Variants in SNRPD3 observed in about 807,000 individuals in gnomAD.
SNRPD3 encodes the protein small nuclear ribonucleoprotein Sm D3.
For synonymous variants in SNRPD3, 66 were observed against 58.4 expected (o/e 1.13, Z -0.59); for missense variants, 73 against 167.5 (o/e 0.44, Z 3.11).
chr22:24,563,051 T>C (rs1415600366), intron 2 of SNRPD3, among the ~76,000 whole-genome samples: 1 of 152,132 alleles, frequency 6.6e-6, no homozygotes, highest in Non-Finnish European at 1.5e-5. Flanking sequence ...CCTGTTATCT[T>C]AGCACTGTTT....
intron 2 of SNRPD3, among the ~76,000 whole-genome samples, chr22:24,563,905 G>T (rs1004330031): frequency 1.1e-4 from 16 of 152,134 alleles, no homozygotes; most frequent in African/African-American, 2.9e-4. Flanking sequence ...TCAGAAAATT[G>T]CCCATAACTA....
chr22:24,558,446 AACTTGG>A (rs2045101529), intron 2 of SNRPD3, among the ~76,000 whole-genome samples: 1 of 152,210 alleles, frequency 6.6e-6, no homozygotes, highest in African/African-American at 2.4e-5. Flanking sequence ...ACTGGTTAAG[AACTTGG>A]ACTTGGGAGT....
upstream of SNRPD3, chr22:24,555,653 A>C: frequency 6.4e-7 from 1 of 1,550,624 alleles, no homozygotes; most frequent in Non-Finnish European, 8.7e-7. Context: ...TTGTGACGGG[A>C]AGTCCTGGCC....
intron 2 of SNRPD3, among the ~76,000 whole-genome samples, chr22:24,558,329 G>C (rs940461688): frequency 6.6e-6 from 1 of 152,192 alleles, no homozygotes; most frequent in African/African-American, 2.4e-5. Context: ...GTAGTTTCCT[G>C]ATATGGTGTC....
chr22:24,555,877 G>A, upstream of SNRPD3: 2 of 1,519,068 alleles, frequency 1.3e-6, no homozygotes, highest in South Asian at 2.4e-5. Context: ...TAGTTTCCCA[G>A]CCGGCAGGCG....
rs142161959 is a variant in SNRPD3 at position 24,568,007 on chromosome 22, C to T, written c.150C>T (p.Tyr50=). The T allele has an allele frequency of 5.2e-4, 842 of 1,610,066 alleles. No individual in the cohort carries two copies. The highest frequency in any genetic ancestry group is 4.9e-4 in the Non-Finnish European group (581 of 1,178,478). The change falls in exon 3 of 4, where the codon TAC becomes TAT. Residue 50 remains tyrosine, a synonymous_variant. Transcript: ENST00000215829. ...NCQMSNITVT[Y]RDGRVAQLEQ... ...AGATGTCCAACATCACAGTCACATA[C>T]AGAGATGGCCGAGTGGCACAGCTGG...
upstream of SNRPD3, chr22:24,555,827 A>T (rs1254298349): frequency 1.9e-6 from 3 of 1,545,358 alleles, no homozygotes; most frequent in East Asian, 7.3e-5. Context: ...CCCAGTCATC[A>T]GCCCTCTTTT....
chr22:24,568,487 C>T (rs188429820), intron 3 of SNRPD3, among the ~76,000 whole-genome samples: 78 of 152,064 alleles, frequency 5.1e-4, no homozygotes, highest in African/African-American at 1.5e-3. Context: ...GATTACAGTG[C>T]GCACTGCCCT....
intron 2 of SNRPD3, among the ~76,000 whole-genome samples, chr22:24,562,825 A>T (rs977064784): frequency 2.0e-5 from 3 of 152,196 alleles, no homozygotes; most frequent in African/African-American, 7.2e-5. Context: ...AGAAATGTAA[A>T]CCTGAATCTC....
chr22:24,556,593 A>G (rs1347952821), intron 1 of SNRPD3, among the ~76,000 whole-genome samples: 2 of 152,344 alleles, frequency 1.3e-5, no homozygotes, highest in East Asian at 3.9e-4. Flanking sequence ...ACACTGTTGC[A>G]GCAGTTTTAA....
intron 2 of SNRPD3, among the ~76,000 whole-genome samples, chr22:24,567,033 G>A (rs1023543299): frequency 6.6e-6 from 1 of 152,218 alleles, no homozygotes; most frequent in Non-Finnish European, 1.5e-5. Context: ...CCAAGTGCCT[G>A]CTCTTTTCCT....
At position 24,563,185 on chromosome 22, in the gene SNRPD3, CAGTG is replaced by C. The variant is rs2045159906; in HGVS notation, c.127-4796_127-4793del. On this transcript the variant is annotated intron_variant, in intron 2 of 3. Coordinates refer to ENST00000215829, the MANE Select transcript of SNRPD3 (RefSeq NM_004175.5). ...GAGTTTGGGACCACCCTGGGCAACA[CAGTG>C]AGACCCTGTCTCATATATGTGTGTG... Among the ~76,000 whole-genome samples, 6 of 150,584 alleles carry C rather than the reference CAGTG, an allele frequency of 4.0e-5. No individual in the cohort carries two copies. The South Asian group carries it at 1.3e-3, about 32-fold the overall frequency.
chr22:24,567,241 C>T (rs2045204734), intron 2 of SNRPD3, among the ~76,000 whole-genome samples: 1 of 152,198 alleles, frequency 6.6e-6, no homozygotes, highest in Non-Finnish European at 1.5e-5. Flanking sequence ...AATCTGAGTG[C>T]CAGGCAGTGC....
rs1601574391 is a variant in SNRPD3 at position 24,573,975 on chromosome 22, G to C, written c.*1998G>C. On this transcript the variant is annotated 3_prime_UTR_variant, in exon 4 of 4. Transcript: ENST00000215829. The stretch of plus-strand genomic sequence containing the variant: ...AGCCGCACACCTGGAGTGGGGCCCA[G>C]GAATCTGCATTTTAAACAATTCCCT... Among the ~76,000 whole-genome samples the C allele has an allele frequency of 1.3e-5, 2 of 152,288 alleles. No homozygotes were observed. Among genetic ancestry groups the C allele is most frequent in the Admixed American group, 6.5e-5 (1 of 15,302 alleles).
chr22:24,570,842 C>G (rs1348634929), intron 3 of SNRPD3, among the ~76,000 whole-genome samples: 1 of 111,200 alleles, frequency 9.0e-6, no homozygotes, highest in African/African-American at 3.4e-5. Context: ...TTTTTGGAGA[C>G]TGAGTCTCCA....
intron 2 of SNRPD3, 72 bp from the exon 3 acceptor site, chr22:24,567,912 C>A: frequency 1.6e-6 from 2 of 1,216,306 alleles, no homozygotes; most frequent in Non-Finnish European, 2.3e-6. Flanking sequence ...ACTTCCCCCT[C>A]CCACCAGTCA....
rs2045275307 is a variant in SNRPD3, at chr22:24,574,669, G to A, written c.*2692G>A. Among the ~76,000 whole-genome samples, 1 of 152,190 alleles carries A rather than the reference G, an allele frequency of 6.6e-6. No homozygotes were observed. Among genetic ancestry groups the A allele is most frequent in the Non-Finnish European group, 1.5e-5 (1 of 68,040 alleles). ...TGATTCTCCCACCTCAGCCTCCTGAGTAGCTAGAAATACTGGTGCACACCA... is the reference window on the plus strand; with the variant it reads ...TGATTCTCCCACCTCAGCCTCCTGAATAGCTAGAAATACTGGTGCACACCA... On this transcript the variant is annotated 3_prime_UTR_variant, in exon 4 of 4. Coordinates refer to ENST00000215829, the MANE Select transcript of SNRPD3 (RefSeq NM_004175.5).
At chr22:24,570,737 T>C (rs1569028074) in intron 3 of SNRPD3, among the ~76,000 whole-genome samples, 1 of 152,006 alleles carries the variant, frequency 6.6e-6, no homozygotes, top group African/African-American at 2.4e-5. Context: ...CTAGAACCCC[T>C]GGGTTACAGA....
rs2045268738 is a variant in SNRPD3, at chr22:24,573,884, T to TA, written c.*1913dup. ...TGACAGTGAGACCCTGTCTCTTAAA[T>TA]AAAAAACAAATGAAAGCAGTGGTTT... On this transcript the variant is annotated 3_prime_UTR_variant, in exon 4 of 4. Transcript: ENST00000215829. Among the ~76,000 whole-genome samples, 1 of 152,056 alleles carries TA rather than the reference T, an allele frequency of 6.6e-6. No individual in the cohort carries two copies. Among genetic ancestry groups the TA allele is most frequent in the Non-Finnish European group, 1.5e-5 (1 of 67,998 alleles).
Sources: allele counts gnomAD v4.1 joint callset (sites outside exome capture counted in the v4.1 genomes callset), GRCh38; gene constraint gnomAD v4.1.1; transcripts MANE v1.5; gene names NCBI Gene and HGNC (gene_info 2026-07-23, HGNC 2026-07-21).